Variants in COL6A5 observed in about 807,000 individuals in gnomAD.
COL6A5 encodes the protein collagen type VI alpha 5 chain.
Under a neutral mutation model 65.6 loss-of-function variants are expected in COL6A5, and 48 were observed. The observed-to-expected ratio is 0.73, with a 90% CI of 0.58 to 0.93. The LOEUF (loss-of-function observed/expected upper bound fraction) is 0.93. COL6A5 is among the 40% of genes least tolerant of loss of function. The probability of loss-of-function intolerance (pLI) is 0.00; values close to 1 mark genes in which losing one functional copy is unlikely to be tolerated. For synonymous variants in COL6A5, 291 were observed against 322.8 expected (o/e 0.90, Z 1.05); for missense variants, 914 against 928.3 (o/e 0.98, Z 0.20).
chr3:130,434,756 T>C (rs1324758299), intron 1 of COL6A5, among the ~76,000 whole-genome samples: 4 of 152,226 alleles, frequency 2.6e-5, no homozygotes, highest in Admixed American at 6.5e-5. Context: ...TGTCTCTTCA[T>C]ATCCTTTGCT....
intron 4 of COL6A5, among the ~76,000 whole-genome samples, chr3:130,454,059 T>C (rs1709509921): frequency 6.6e-6 from 1 of 152,150 alleles, no homozygotes; most frequent in Non-Finnish European, 1.5e-5. Context: ...ATTATAATGT[T>C]ATTTAAACAT....
At chr3:130,449,828 A>T (rs553957772) in intron 4 of COL6A5, among the ~76,000 whole-genome samples, 2 of 152,150 alleles carry the variant, frequency 1.3e-5, no homozygotes, top group Non-Finnish European at 2.9e-5. Flanking sequence ...CTTGGCAGAC[A>T]CGATTAATTT....
At chr3:130,481,104 T>G (rs1710228034) in intron 7 of COL6A5, among the ~76,000 whole-genome samples, 3 of 152,018 alleles carry the variant, frequency 2.0e-5, no homozygotes, top group Non-Finnish European at 4.4e-5. Flanking sequence ...TGTGCAGGTT[T>G]GTTACATAGG....
rs115967272 is a variant in COL6A5 at position 130,463,479 on chromosome 3, G to A, written c.1545-5316G>A. Among the ~76,000 whole-genome samples, 875 of 152,052 alleles carry A rather than the reference G, an allele frequency of 5.8e-3. 7 individuals are homozygous for A. The highest frequency in any genetic ancestry group is 0.02 in the African/African-American group (827 of 41,512). ...TTCTCTAAGTTTCCTTTCCACCCCC[G>A]CTTCTCCCTAATGTTACTGGAGCAC... On this transcript the variant is annotated intron_variant, in intron 5 of 7. Transcript: ENST00000512836.
intron 20 of COL6A5, 147 bp from the exon 21 acceptor site, chr3:130,413,398 G>A (rs1353360966): frequency 1.4e-6 from 1 of 708,420 alleles, no homozygotes; most frequent in African/African-American, 1.8e-5. Flanking sequence ...CAGTGTGAAA[G>A]CTTGTCTATG....
At chr3:130,475,337 G>A (rs1303616346) in intron 7 of COL6A5, among the ~76,000 whole-genome samples, 3 of 151,526 alleles carry the variant, frequency 2.0e-5, no homozygotes, top group South Asian at 4.2e-4. Flanking sequence ...TGAAAACCAA[G>A]GATAAAGAAA....
At chr3:130,471,907 T>C in intron 7 of COL6A5, 6 of 1,534,616 alleles carry the variant, frequency 3.9e-6, no homozygotes, top group Non-Finnish European at 5.2e-6. Context: ...TAGTGGTTGA[T>C]AAACAGCAAG....
exon 3 of COL6A5, chr3:130,376,641 C>T: frequency 6.2e-7 from 1 of 1,612,560 alleles, no homozygotes; most frequent in Non-Finnish European, 8.5e-7. Flanking sequence ...GAAAGCCCTG[C>T]AGAAAGACGG....
At chr3:130,440,310 A>C in exon 3 of COL6A5, 1 of 1,613,366 alleles carries the variant, frequency 6.2e-7, no homozygotes, top group Non-Finnish European at 8.5e-7. Flanking sequence ...TCAGTGATTG[A>C]CAACTTCAAC....
chr3:130,430,248 A>C (rs1376296272), upstream of COL6A5, among the ~76,000 whole-genome samples: 2 of 152,154 alleles, frequency 1.3e-5, no homozygotes, highest in Non-Finnish European at 2.9e-5. Context: ...TGCTCAATAC[A>C]ACTTCATGGA....
At chr3:130,478,208 G>T (rs1416992213) in intron 7 of COL6A5, among the ~76,000 whole-genome samples, 1 of 152,082 alleles carries the variant, frequency 6.6e-6, no homozygotes, top group Non-Finnish European at 1.5e-5. Flanking sequence ...TAGAGTAAAA[G>T]CTTCATAAAT....
At chr3:130,352,990 G>T (rs1934779713) in intron 1 of COL6A5, among the ~76,000 whole-genome samples, 1 of 152,156 alleles carries the variant, frequency 6.6e-6, no homozygotes, top group African/African-American at 2.4e-5. Flanking sequence ...ACAAAGTATA[G>T]AGACTGGCAC....
intron 3 of COL6A5, among the ~76,000 whole-genome samples, chr3:130,377,977 A>G (rs1935849365): frequency 6.6e-6 from 1 of 152,172 alleles, no homozygotes. Flanking sequence ...GGCACCAGGT[A>G]CTGGAGGAAT....
exon 7 of COL6A5, chr3:130,391,417 G>C: frequency 3.2e-6 from 5 of 1,551,656 alleles, no homozygotes; most frequent in Non-Finnish European, 4.4e-6. Context: ...GGAAGCGCAG[G>C]GACACTGGAG....
upstream of COL6A5, chr3:130,431,422 A>G: frequency 6.5e-7 from 1 of 1,544,776 alleles, no homozygotes; most frequent in South Asian, 1.2e-5. Context: ...AAGGATTTTG[A>G]TCCAGTGAAA....
At position 130,431,620 on chromosome 3, in the gene COL6A5, G is replaced by A. The variant is rs754763520; in HGVS notation, c.160G>A (p.Ala54Thr). ...TAACTGTCCTGTGGGAGCAAGAGTTGCCATGGTTTCCTATAACTCAGGCAC... is the reference window on the plus strand; with the variant it reads ...TAACTGTCCTGTGGGAGCAAGAGTTACCATGGTTTCCTATAACTCAGGCAC... Residue 54 changes from alanine to threonine, a missense_variant, in exon 1 of 8, where the codon GCC becomes ACC. Ala to Thr is a moderately conservative substitution (Grantham distance 58). Transcript: ENST00000512836. 1.2e-4 allele frequency: 184 copies of A among 1,551,374 alleles called. No homozygotes were observed. The highest frequency in any genetic ancestry group is 1.6e-4 in the Non-Finnish European group (178 of 1,146,916).
chr3:130,482,353 G>A (rs1325342115), intron 7 of COL6A5, among the ~76,000 whole-genome samples: 1 of 151,788 alleles, frequency 6.6e-6, no homozygotes, highest in Non-Finnish European at 1.5e-5. Context: ...TCAGATGGTT[G>A]TAGATGCATG....
chr3:130,445,079 A>C (rs1007108592), intron 4 of COL6A5, among the ~76,000 whole-genome samples: 5 of 152,230 alleles, frequency 3.3e-5, no homozygotes, highest in African/African-American at 1.2e-4. Flanking sequence ...TGAGAATTCC[A>C]CATTTGGGTG....
intron 7 of COL6A5, among the ~76,000 whole-genome samples, chr3:130,478,877 G>A (rs1164780242): frequency 6.6e-6 from 1 of 152,042 alleles, no homozygotes; most frequent in Admixed American, 6.6e-5. Context: ...TTGAATTCAG[G>A]TGCATCATGG....
Sources: allele counts gnomAD v4.1 joint callset (sites outside exome capture counted in the v4.1 genomes callset), GRCh38; gene constraint gnomAD v4.1.1; transcripts MANE v1.5; gene names NCBI Gene and HGNC (gene_info 2026-07-23, HGNC 2026-07-21).